TESMIN: variants seen among roughly 807,000 people sequenced by gnomAD.
TESMIN encodes CXC domain containing 2.
TESMIN carries 34 observed loss-of-function variants against 47.4 expected under a neutral mutation model. The ratio of observed to expected loss-of-function variants is 0.72; its 90% confidence interval spans 0.55 to 0.96. The LOEUF (loss-of-function observed/expected upper bound fraction) is 0.96. Among genes scored for constraint, TESMIN ranks in the 40% least tolerant of loss-of-function variants. TESMIN has a pLI of 0.00. For missense variants in TESMIN, 610 were observed against 637.2 expected (o/e 0.96, Z 0.46); for synonymous variants, 278 against 258.9 (o/e 1.07, Z -0.71).
chr11:68,738,643 C>T lies in TESMIN; in HGVS notation c.917+57G>A, dbSNP rs547419802. The T allele has an allele frequency of 9.1e-5, 146 of 1,606,934 alleles. No homozygotes were observed. The African/African-American group carries it at 1.8e-3, about 20-fold the overall frequency. ...GTATAGAAGAAAATCGTGAACGTATCCAAGAGTCTCTTAAATTATTACATT... is the reference window on the plus strand; with the variant it reads ...GTATAGAAGAAAATCGTGAACGTATTCAAGAGTCTCTTAAATTATTACATT... On this transcript the variant is annotated intron_variant, in intron 6 of 9. Transcript: ENST00000255087.
chr11:68,748,875 G>A (rs201630542), intron 2 of TESMIN, among the ~76,000 whole-genome samples: 2 of 152,226 alleles, frequency 1.3e-5, no homozygotes, highest in South Asian at 2.1e-4. Flanking sequence ...TCACTCTGTC[G>A]CTCAGGCTGG....
chr11:68,718,090 T>A (rs11228332), intron 6 of TESMIN, among the ~76,000 whole-genome samples: 1 of 143,418 alleles, frequency 7.0e-6, no homozygotes, highest in African/African-American at 2.5e-5. Flanking sequence ...GCAGGCCCAG[T>A]CAGCCCACAC....
intron 7 of TESMIN, among the ~76,000 whole-genome samples, chr11:68,713,989 G>A (rs1220403140): frequency 2.6e-5 from 4 of 152,120 alleles, no homozygotes; most frequent in East Asian, 1.9e-4. Flanking sequence ...GGTCTCAACC[G>A]CTGGGCCATG....
rs11824608 is a variant in TESMIN at position 68,712,529 on chromosome 11, T to A, written c.1158+741A>T. On this transcript the variant is annotated intron_variant, in intron 8 of 9. Coordinates refer to ENST00000255087, the MANE Select transcript of TESMIN (RefSeq NM_004923.3). The stretch of plus-strand genomic sequence containing the variant: ...GGTTTGTAAGGAAGGTTTGCTCGGC[T>A]GTTCCCCTGATAGGGCCTAAGGGTT... Among the ~76,000 whole-genome samples, 883 of 152,326 alleles carry A rather than the reference T, an allele frequency of 5.8e-3. 10 individuals carry two copies. Among genetic ancestry groups the A allele is most frequent in the African/African-American group, 0.02 (824 of 41,572 alleles).
intron 6 of TESMIN, among the ~76,000 whole-genome samples, chr11:68,724,821 T>A (rs1212493837): frequency 6.6e-6 from 1 of 152,190 alleles, no homozygotes; most frequent in African/African-American, 2.4e-5. Flanking sequence ...TGTTATAGCA[T>A]CTGAGTATGT....
chr11:68,731,723 A>G (rs1436578455), intron 6 of TESMIN, among the ~76,000 whole-genome samples: 2 of 152,218 alleles, frequency 1.3e-5, no homozygotes, highest in African/African-American at 2.4e-5. Context: ...GTGTCTCCAC[A>G]TGAGGACAGG....
At chr11:68,713,466 T>A in intron 7 of TESMIN, 59 bp from the exon 8 acceptor site, 1 of 1,580,686 alleles carries the variant, frequency 6.3e-7, no homozygotes, top group Middle Eastern at 1.7e-4. Context: ...CTCAGCTCAA[T>A]GAAGGGCATC....
chr11:68,744,797 A>T, intron 4 of TESMIN, 194 bp downstream of exon 4: 1 of 396,772 alleles, frequency 2.5e-6, no homozygotes, highest in Non-Finnish European at 4.4e-6. Context: ...AATTTGAGAC[A>T]GTCAGTACAG....
intron 6 of TESMIN, among the ~76,000 whole-genome samples, chr11:68,723,751 AAT>A (rs2153991288): frequency 6.6e-6 from 1 of 152,260 alleles, no homozygotes; most frequent in Non-Finnish European, 1.5e-5. Flanking sequence ...TATGAATACG[AAT>A]ATATGAATAA....
intron 5 of TESMIN, among the ~76,000 whole-genome samples, chr11:68,740,515 C>T (rs1946443540): frequency 6.6e-6 from 1 of 152,138 alleles, no homozygotes; most frequent in African/African-American, 2.4e-5. Context: ...CAATGTGTGC[C>T]TTCTGGACTG....
chr11:68,742,233 T>C (rs1232726407), intron 5 of TESMIN, 85 bp downstream of exon 5: 17 of 805,630 alleles, frequency 2.1e-5, no homozygotes, highest in Non-Finnish European at 3.3e-5. Context: ...AAATTATATT[T>C]CCTGAGTAAT....
At position 68,750,319 on chromosome 11, in the gene TESMIN, G is replaced by T. The variant is rs1946576080; in HGVS notation, c.342C>A (p.Ala114=). 3.3e-6 allele frequency: 5 copies of T among 1,515,316 alleles called. No individual in the cohort carries two copies. The East Asian group carries it at 1.2e-4, about 37-fold the overall frequency. 93.9% of individuals were successfully genotyped at this position (1,515,316 alleles called of 1,614,324 possible). ...SALEDVALLQ[A]PQPPACNVHF... ...GCACGTTGCAGGCGGGCGGCTGCGG[G>T]GCCTGCAGGAGCGCGACGTCCTCCA... The change falls in exon 2 of 10, where the codon GCC becomes GCA. Residue 114 remains alanine, a synonymous_variant. Coordinates refer to ENST00000255087, the MANE Select transcript of TESMIN (RefSeq NM_004923.3).
Position 68,713,281 on chromosome 11 carries a change from C to A in TESMIN, c.1147G>T (p.Glu383Ter), listed in dbSNP as rs1468040442. 1 of 1,613,912 alleles carries A rather than the reference C, an allele frequency of 6.2e-7. No homozygotes were observed. Among genetic ancestry groups the A allele is most frequent in the African/African-American group, 1.3e-5 (1 of 74,902 alleles). ...AGCTGGGCACTAACCTCATAGCACT[C>A]GCAGTAATTCTTCAGGCAGCCTGAC... ...RRSGCLKNYC[E>*]CYEAQIMCSS... The change falls in exon 8 of 10, where the codon GAG becomes TAG. Residue 383 changes from glutamate (E) to a stop codon, truncating the protein, a stop_gained. Coordinates refer to ENST00000255087, the MANE Select transcript of TESMIN (RefSeq NM_004923.3). LOFTEE classifies it high-confidence loss of function.
chr11:68,745,144 T>C, intron 3 of TESMIN, 33 bp from the exon 4 acceptor site: 1 of 1,568,492 alleles, frequency 6.4e-7, no homozygotes, highest in South Asian at 1.2e-5. Context: ...GGTTTCATTT[T>C]TGAAACATAA....
At chr11:68,738,646 A>G (rs1410203688) in intron 6 of TESMIN, 54 bp downstream of exon 6, 1 of 1,607,944 alleles carries the variant, frequency 6.2e-7, no homozygotes, top group Non-Finnish European at 8.5e-7. Flanking sequence ...AACGTATCCA[A>G]GAGTCTCTTA....
intron 5 of TESMIN, among the ~76,000 whole-genome samples, chr11:68,741,688 A>C (rs1449892583): frequency 2.0e-5 from 3 of 152,202 alleles, no homozygotes; most frequent in African/African-American, 7.2e-5. Context: ...ACAGAGATGA[A>C]CGAGACACAT....
intron 6 of TESMIN, 174 bp downstream of exon 6, chr11:68,738,526 C>G: frequency 7.2e-7 from 1 of 1,392,562 alleles, no homozygotes; most frequent in South Asian, 1.5e-5. Flanking sequence ...CCCAGTGAAA[C>G]CAGACACAGA....
At chr11:68,721,215 A>G (rs1256043052) in intron 6 of TESMIN, among the ~76,000 whole-genome samples, 1 of 152,212 alleles carries the variant, frequency 6.6e-6, no homozygotes, top group African/African-American at 2.4e-5. Context: ...TATCTTGGAA[A>G]TATAAACAAT....
intron 4 of TESMIN, among the ~76,000 whole-genome samples, chr11:68,742,924 T>A (rs541125220): frequency 5.9e-5 from 9 of 152,072 alleles, no homozygotes; most frequent in Non-Finnish European, 8.8e-5. Context: ...TTGCCCAGGC[T>A]GGAGTGCAGT....
Sources: allele counts gnomAD v4.1 joint callset (sites outside exome capture counted in the v4.1 genomes callset), GRCh38; gene constraint gnomAD v4.1.1; transcripts MANE v1.5; gene names NCBI Gene and HGNC (gene_info 2026-07-23, HGNC 2026-07-21).